The following STK33 variants were observed in gnomAD, a reference collection of about 807,000 sequenced individuals.
STK33 encodes serine/threonine kinase 33, also known as serine/threonine-protein kinase 33.
Under a neutral mutation model 58.0 loss-of-function variants are expected in STK33, and 52 were observed. The ratio of observed to expected loss-of-function variants is 0.90; its 90% CI spans 0.72 to 1.13. STK33 has a LOEUF of 1.13. Among genes scored for constraint, STK33 ranks in the 50% most tolerant of loss-of-function variants. STK33 has a pLI of 0.00. For synonymous variants in STK33, 215 were observed against 200.1 expected (o/e 1.07, Z -0.63); for missense variants, 630 against 604.2 (o/e 1.04, Z -0.45).
At position 8,403,372 on chromosome 11, in the gene STK33, C is replaced by T. The variant is rs192554465; in HGVS notation, c.1344+10123G>A. On this transcript the variant is annotated intron_variant, in intron 15 of 15. Coordinates refer to ENST00000687296, the MANE Select transcript of STK33 (RefSeq NM_001352389.2). ...GGACCAGAGAATGTTTACAGACAGGCTACTAATATGATTAAGGGATGAAGG... is the reference window on the plus strand; with the variant it reads ...GGACCAGAGAATGTTTACAGACAGGTTACTAATATGATTAAGGGATGAAGG... 2.1e-4 allele frequency among the ~76,000 whole-genome samples: 32 copies of T among 152,264 alleles called. No homozygotes were observed. In the East Asian group the frequency reaches 5.8e-3, roughly 28 times the overall value.
In STK33 at chr11:8,457,360, T is replaced by C. The variant is rs775357872; in HGVS notation, c.678A>G (p.Ile226Met). 4.4e-6 allele frequency: 7 copies of C among 1,603,294 alleles called. No homozygotes were observed. The highest frequency in any genetic ancestry group is 6.0e-6 in the Non-Finnish European group (7 of 1,172,450). Reference protein sequence around the residue: ...RWIIQSLASAIAYLHNNDIVH... With the variant: ...RWIIQSLASAMAYLHNNDIVH... ...TCTTACCATTATTGTGAAGATATGC[T>C]ATAGCTGATGCGAGACTTTGAATGA... Residue 226 changes from isoleucine to methionine, a missense_variant, in exon 9 of 16, where the codon ATA (isoleucine) becomes ATG (methionine). By Grantham distance (10) the Ile-to-Met change is conservative. Coordinates refer to ENST00000687296, the MANE Select transcript of STK33 (RefSeq NM_001352389.2).
At chr11:8,473,702 G>C (rs1229287299) in intron 5 of STK33, among the ~76,000 whole-genome samples, 1 of 152,162 alleles carries the variant, frequency 6.6e-6, no homozygotes, top group East Asian at 1.9e-4. Context: ...AACTCACTCA[G>C]ATACATCCAT....
intron 1 of STK33, among the ~76,000 whole-genome samples, chr11:8,497,463 A>G (rs1253286228): frequency 1.3e-5 from 2 of 152,138 alleles, no homozygotes; most frequent in East Asian, 3.9e-4. Flanking sequence ...TGACATGTTC[A>G]AAGTTCTTTC....
At chr11:8,544,014 C>T (rs896531753) in intron 1 of STK33, among the ~76,000 whole-genome samples, 1 of 151,796 alleles carries the variant, frequency 6.6e-6, no homozygotes, top group South Asian at 2.1e-4. Flanking sequence ...TGATTTTTTT[C>T]CATTTTTTTA....
At chr11:8,365,589 A>G in the STK33 span, among the ~76,000 whole-genome samples, 8 of 152,024 alleles carry the variant, frequency 5.3e-5, no homozygotes, top group South Asian at 2.1e-4. Context: ...CAGAGTCTGA[A>G]TCCTATTCCT....
intron 15 of STK33, among the ~76,000 whole-genome samples, chr11:8,412,546 T>C (rs896283860): frequency 1.3e-5 from 2 of 152,074 alleles, no homozygotes; most frequent in Non-Finnish European, 2.9e-5. Flanking sequence ...CATGGAGGGG[T>C]GTAGGCCAGC....
chr11:8,386,993 T>C (rs1848552939), downstream of STK33, among the ~76,000 whole-genome samples: 1 of 152,194 alleles, frequency 6.6e-6, no homozygotes, highest in South Asian at 2.1e-4. Flanking sequence ...GAGCCTCTTT[T>C]CTCTCTTCGG....
rs1418268168 is a variant in STK33 at position 8,534,558 on chromosome 11, C to CTGTG, written c.-465-53945_-465-53944insCACA. Among the ~76,000 whole-genome samples the CTGTG allele has an allele frequency of 4.2e-3, 547 of 130,470 alleles. 4 individuals are homozygous for CTGTG. The highest frequency in any genetic ancestry group is 0.016 in the African/African-American group (520 of 31,664). 85.6% of individuals were successfully genotyped at this position (130,470 alleles called of 152,430 possible). ...TCTCTCTCTCTCTCTCTCTCTCTCT[C>CTGTG]TCTCTCTCTCTGTGTGTGTGTGTGT... On this transcript the variant is annotated intron_variant, in intron 1 of 15. Transcript: ENST00000687296.
At chr11:8,398,654 G>C (rs761283338) in intron 15 of STK33, among the ~76,000 whole-genome samples, 5 of 152,052 alleles carry the variant, frequency 3.3e-5, no homozygotes, top group Admixed American at 3.3e-4. Flanking sequence ...CCAATTAAAA[G>C]ACACAGACTG....
intron 1 of STK33, among the ~76,000 whole-genome samples, chr11:8,537,759 G>A (rs928589097): frequency 4.7e-5 from 7 of 148,764 alleles, no homozygotes; most frequent in Middle Eastern, 3.5e-3. Context: ...GCAGTGGGCC[G>A]AGATCATGCC....
At chr11:8,505,177 C>T (rs1471166056) in intron 1 of STK33, among the ~76,000 whole-genome samples, 2 of 152,234 alleles carry the variant, frequency 1.3e-5, no homozygotes, top group African/African-American at 2.4e-5. Context: ...ATTGGTTCCA[C>T]TTCGAAACTC....
chr11:8,575,894 T>C (rs1240130196), intron 1 of STK33, among the ~76,000 whole-genome samples: 1 of 152,110 alleles, frequency 6.6e-6, no homozygotes, highest in Non-Finnish European at 1.5e-5. Flanking sequence ...AGATGCAGGC[T>C]GAGAAGACTG....
intron 9 of STK33, 80 bp downstream of exon 9, chr11:8,457,261 G>C (rs1425992408): frequency 7.9e-6 from 10 of 1,268,426 alleles, no homozygotes; most frequent in African/African-American, 1.5e-5. Context: ...ATATGACTAT[G>C]AATCTGGAAT....
chr11:8,417,613 GT>G (rs1941317220), intron 14 of STK33, among the ~76,000 whole-genome samples: 1 of 152,114 alleles, frequency 6.6e-6, no homozygotes, highest in Non-Finnish European at 1.5e-5. Context: ...ACCATTCTCT[GT>G]TTTTGCAAAG....
At chr11:8,386,185 T>C in the STK33 span, among the ~76,000 whole-genome samples, 1 of 152,236 alleles carries the variant, frequency 6.6e-6, no homozygotes, top group Admixed American at 6.5e-5. Flanking sequence ...GTAGTCAGAC[T>C]ATTCCCCTCC....
At chr11:8,372,579 G>A in the STK33 span, among the ~76,000 whole-genome samples, 6 of 152,252 alleles carry the variant, frequency 3.9e-5, no homozygotes, top group Admixed American at 6.5e-5. Context: ...AACCTTTGGC[G>A]CTTAGACTTT....
chr11:8,388,606 G>A (rs1261809248), downstream of STK33, among the ~76,000 whole-genome samples: 4 of 152,222 alleles, frequency 2.6e-5, no homozygotes, highest in South Asian at 2.1e-4. Context: ...GAGATGAAGC[G>A]AACACGAAGC....
At chr11:8,562,728 T>A (rs74053286) in intron 1 of STK33, among the ~76,000 whole-genome samples, 4,180 of 152,228 alleles carry the variant, frequency 0.027, 192 homozygotes, top group African/African-American at 0.094. Flanking sequence ...TTAGAAGTAA[T>A]AGTTACTATT....
chr11:8,375,764 C>T, the STK33 span, among the ~76,000 whole-genome samples: 1 of 152,128 alleles, frequency 6.6e-6, no homozygotes, highest in Admixed American at 6.5e-5. Context: ...TCCTTCCTGC[C>T]ACCTTGTAAA....
Sources: allele counts gnomAD v4.1 joint callset (sites outside exome capture counted in the v4.1 genomes callset), GRCh38; gene constraint gnomAD v4.1.1; transcripts MANE v1.5; gene names NCBI Gene and HGNC (gene_info 2026-07-23, HGNC 2026-07-21).